The following PRDM10 variants were observed in gnomAD, a reference collection of about 807,000 sequenced individuals.
PRDM10 encodes the protein PR/SET domain 10.
In PRDM10, 65 loss-of-function variants were observed where a neutral mutation model predicts 133.1. That is an observed-to-expected ratio of 0.49 (90% CI 0.40 to 0.60). The LOEUF (loss-of-function observed/expected upper bound fraction) is 0.60, where lower values mean the gene tolerates loss of function less well. Ranked by LOEUF, PRDM10 falls within the 20% of genes least tolerant of loss-of-function variation. PRDM10 has a pLI of 0.00. For missense variants in PRDM10, 1,137 were observed against 1,507.1 expected (o/e 0.75, Z 4.07); for synonymous variants, 582 against 580.4 (o/e 1.00, Z -0.04).
At chr11:129,981,629 C>T (rs1394503722) in intron 1 of PRDM10, among the ~76,000 whole-genome samples, 3 of 152,066 alleles carry the variant, frequency 2.0e-5, no homozygotes, top group African/African-American at 7.2e-5. Context: ...GGTGCGGTGC[C>T]TCATGACTGC....
At chr11:129,915,260 C>T (rs951272188) in intron 16 of PRDM10, among the ~76,000 whole-genome samples, 2 of 151,410 alleles carry the variant, frequency 1.3e-5, no homozygotes, top group African/African-American at 4.8e-5. Flanking sequence ...CTCAATACCC[C>T]CCCCAAATAG....
intron 7 of PRDM10, among the ~76,000 whole-genome samples, chr11:129,939,874 A>G (rs909297800): frequency 3.9e-5 from 6 of 152,256 alleles, no homozygotes; most frequent in African/African-American, 1.4e-4. Context: ...GATGAGTTCA[A>G]TCAAATGGGA....
intron 1 of PRDM10, among the ~76,000 whole-genome samples, chr11:129,995,738 G>C (rs954993418): frequency 3.3e-5 from 5 of 152,116 alleles, no homozygotes; most frequent in African/African-American, 9.7e-5. Context: ...CTGAGGTCAG[G>C]AGTTCAAGAT....
intron 13 of PRDM10, among the ~76,000 whole-genome samples, chr11:129,920,224 C>T (rs759215086): frequency 7.2e-5 from 11 of 152,198 alleles, no homozygotes; most frequent in Non-Finnish European, 1.2e-4. Context: ...CCACACCATG[C>T]TATGCACATC....
intron 8 of PRDM10, among the ~76,000 whole-genome samples, chr11:129,936,146 C>T (rs977178438): frequency 1.3e-5 from 2 of 152,060 alleles, no homozygotes; most frequent in Admixed American, 6.6e-5. Context: ...CACTGAAGCT[C>T]GGGTGAGCTT....
At chr11:129,975,864 G>A (rs576452175) in intron 1 of PRDM10, among the ~76,000 whole-genome samples, 2 of 152,334 alleles carry the variant, frequency 1.3e-5, no homozygotes, top group African/African-American at 4.8e-5. Context: ...ACAATCAATA[G>A]CAGTGACTGC....
chr11:129,914,696 C>A lies in PRDM10; in HGVS notation c.2841+8G>T. On this transcript the variant is annotated splice_region_variant and intron_variant, in intron 17 of 20. Transcript: ENST00000360871. ...CATAAGGCAAAGGGAAACCAAGGCA[C>A]GCAGTACCGAGGCCACTTGAACCAC... The A allele has an allele frequency of 6.2e-7, 1 of 1,614,212 alleles. No individual in the cohort carries two copies. The highest frequency in any genetic ancestry group is 2.2e-5 in the East Asian group (1 of 44,882).
chr11:129,980,039 A>T (rs1938017626), intron 1 of PRDM10, among the ~76,000 whole-genome samples: 1 of 152,262 alleles, frequency 6.6e-6, no homozygotes. Flanking sequence ...TGAATCAAAA[A>T]GTCACATAAG....
intron 11 of PRDM10, 79 bp from the exon 12 acceptor site, chr11:129,925,308 A>C: frequency 7.6e-7 from 1 of 1,314,336 alleles, no homozygotes; most frequent in Admixed American, 2.6e-5. Flanking sequence ...AGAGAAAGAG[A>C]GGATGATCTC....
At chr11:129,944,521 C>T (rs1236796514) in intron 6 of PRDM10, among the ~76,000 whole-genome samples, 1 of 150,792 alleles carries the variant, frequency 6.6e-6, no homozygotes, top group Non-Finnish European at 1.5e-5. Context: ...GAAGGCGGAG[C>T]TTGCAGTGAG....
intron 1 of PRDM10, among the ~76,000 whole-genome samples, chr11:129,985,826 A>ATATATATATATATATATG (rs1196734107): frequency 1.5e-5 from 2 of 136,310 alleles, no homozygotes; most frequent in East Asian, 4.3e-4. Flanking sequence ...ATATATATAT[A>ATATATATATATATATATG]TATATATGTA....
At chr11:129,975,258 G>A (rs958209666) in intron 1 of PRDM10, among the ~76,000 whole-genome samples, 1 of 151,928 alleles carries the variant, frequency 6.6e-6, no homozygotes, top group Non-Finnish European at 1.5e-5. Flanking sequence ...GAAACCCCAT[G>A]TCTACTAAAA....
In PRDM10 at chr11:129,923,421, A is replaced by G. The variant is rs781046479; in HGVS notation, c.1879-18T>C. 3.8e-6 allele frequency: 6 copies of G among 1,595,840 alleles called. No homozygotes were observed. Among genetic ancestry groups the G allele is most frequent in the Non-Finnish European group, 5.1e-6 (6 of 1,170,344 alleles). On this transcript the variant is annotated intron_variant, in intron 12 of 20. Coordinates refer to ENST00000360871, the MANE Select transcript of PRDM10 (RefSeq NM_199437.2). This position sits in a 1 kb window ranked among gnomAD's most constrained non-coding sequence, Gnocchi z 4.4. ...TTTTTCACCTGGTGATAAGAACCAC[A>G]GGAAAATTCAGGGGACGCAGGCACC... is the stretch of plus-strand genomic sequence containing the variant.
rs143405865 is a variant in PRDM10 at position 129,987,489 on chromosome 11, G to T, written c.-119+15233C>A. On this transcript the variant is annotated intron_variant, in intron 1 of 20. Transcript: ENST00000360871. ...AAAACAGCCCGGCAATTCCACAGAA[G>T]ACTAAACATAGACACACCAAATGAC... Among the ~76,000 whole-genome samples the T allele has an allele frequency of 8.3e-3, 1,268 of 152,248 alleles. 26 individuals carry two copies. The highest frequency in any genetic ancestry group is 0.029 in the African/African-American group (1,211 of 41,530).
intron 1 of PRDM10, among the ~76,000 whole-genome samples, chr11:129,972,139 C>T (rs1411457309): frequency 1.3e-5 from 2 of 152,242 alleles, no homozygotes; most frequent in Admixed American, 6.5e-5. Flanking sequence ...AAGCCCACGC[C>T]CACCCAGAAC....
At chr11:129,966,885 T>C (rs1951917988) in intron 1 of PRDM10, among the ~76,000 whole-genome samples, 2 of 152,172 alleles carry the variant, frequency 1.3e-5, no homozygotes, top group Non-Finnish European at 2.9e-5. Context: ...AATGATACTG[T>C]GTGGAAAACC....
intron 1 of PRDM10, among the ~76,000 whole-genome samples, chr11:130,001,257 G>A (rs556026419): frequency 6.6e-6 from 1 of 152,198 alleles, no homozygotes; most frequent in Admixed American, 6.5e-5. Context: ...CAAAGTGGAA[G>A]CTATTGTGAT....
At position 129,988,668 on chromosome 11, in the gene PRDM10, T is replaced by C. The variant is rs551055740; in HGVS notation, c.-119+14054A>G. 4.8e-3 allele frequency among the ~76,000 whole-genome samples: 729 copies of C among 152,142 alleles called. 3 individuals carry two copies. The highest frequency in any genetic ancestry group is 8.0e-3 in the Non-Finnish European group (544 of 67,996). ...TTTTTGAGACGGAATCTCGCTCTGT[T>C]GCCTGGGCTGGAGTGCAGTGGTGCA... is the stretch of plus-strand genomic sequence containing the variant. On this transcript the variant is annotated intron_variant, in intron 1 of 20. Coordinates refer to ENST00000360871, the MANE Select transcript of PRDM10 (RefSeq NM_199437.2).
intron 1 of PRDM10, among the ~76,000 whole-genome samples, chr11:129,994,382 C>T (rs1938924423): frequency 7.1e-6 from 1 of 141,196 alleles, no homozygotes; most frequent in Non-Finnish European, 1.5e-5. Context: ...GGGAGAATTG[C>T]TTGAACCCAG....
Sources: gnomAD v4.1 joint callset for allele counts (sites outside exome capture counted in the v4.1 genomes callset) on GRCh38, gnomAD v4.1.1 for gene constraint, Gnocchi (gnomAD v3.1) non-coding constraint, MANE v1.5 for transcripts, NCBI Gene and HGNC (gene_info 2026-07-23, HGNC 2026-07-21) for gene names.